Variants in NPSR1 observed in about 807,000 individuals in gnomAD.
NPSR1 encodes neuropeptide S receptor.
In NPSR1, 48 loss-of-function variants were observed where a neutral mutation model predicts 46.9. The ratio of observed to expected loss-of-function variants is 1.02; its 90% CI spans 0.81 to 1.30. The LOEUF is 1.30. Among genes scored for constraint, NPSR1 ranks in the 50% most tolerant of loss-of-function variants. The probability of loss-of-function intolerance (pLI) is 0.00; values close to 1 mark genes in which losing one functional copy is unlikely to be tolerated. For synonymous variants in NPSR1, 176 were observed against 168.1 expected (o/e 1.05, Z -0.36); for missense variants, 450 against 449.5 (o/e 1.00, Z -0.01).
chr7:34,874,730 G>A (rs1023048826), intron 8 of NPSR1, among the ~76,000 whole-genome samples: 3 of 152,114 alleles, frequency 2.0e-5, no homozygotes, highest in Non-Finnish European at 4.4e-5. Flanking sequence ...AATTTAAAGT[G>A]AGCAGAGCCA....
chr7:34,729,934 T>A (rs1784344423), intron 2 of NPSR1, among the ~76,000 whole-genome samples: 1 of 152,148 alleles, frequency 6.6e-6, no homozygotes, highest in African/African-American at 2.4e-5. Context: ...CCACCACACC[T>A]GGCTCAATGT....
chr7:34,699,180 CAT>C (rs971598812), intron 2 of NPSR1, among the ~76,000 whole-genome samples: 61 of 152,266 alleles, frequency 4.0e-4, no homozygotes, highest in African/African-American at 1.4e-3. Flanking sequence ...GTTGTTCTCA[CAT>C]AAAGATGCTG....
intron 2 of NPSR1, among the ~76,000 whole-genome samples, chr7:34,766,286 G>T (rs1331920156): frequency 2.0e-5 from 3 of 151,966 alleles, no homozygotes; most frequent in African/African-American, 7.3e-5. Context: ...GAAAACTGCT[G>T]GGCAGTTTTT....
chr7:34,782,594 A>C (rs1358510342), intron 3 of NPSR1, among the ~76,000 whole-genome samples: 1 of 152,110 alleles, frequency 6.6e-6, no homozygotes, highest in Non-Finnish European at 1.5e-5. Context: ...TGGTCTTTCC[A>C]TAGTGAACTA....
At chr7:34,736,446 C>T (rs1043181201) in intron 2 of NPSR1, among the ~76,000 whole-genome samples, 1 of 152,186 alleles carries the variant, frequency 6.6e-6, no homozygotes, top group South Asian at 2.1e-4. Context: ...CACCCTGCCT[C>T]TTTTCATGAT....
chr7:34,858,848 T>G (rs187113788), intron 8 of NPSR1, among the ~76,000 whole-genome samples: 1 of 151,822 alleles, frequency 6.6e-6, no homozygotes, highest in Non-Finnish European at 1.5e-5. Flanking sequence ...TTATGGGAGC[T>G]ACAGGATGAG....
chr7:34,674,774 C>T (rs551323458), intron 1 of NPSR1, among the ~76,000 whole-genome samples: 1 of 152,136 alleles, frequency 6.6e-6, no homozygotes, highest in East Asian at 1.9e-4. Context: ...TTTATCACTA[C>T]TGTTGTGTGG....
chr7:34,782,580 G>A (rs1035969194), intron 3 of NPSR1, among the ~76,000 whole-genome samples: 3 of 151,916 alleles, frequency 2.0e-5, no homozygotes, highest in Non-Finnish European at 4.4e-5. Flanking sequence ...TCCCTCATAG[G>A]GCATGGTCTT....
At chr7:34,691,157 C>A (rs1793230227) in intron 2 of NPSR1, among the ~76,000 whole-genome samples, 1 of 152,168 alleles carries the variant, frequency 6.6e-6, no homozygotes, top group African/African-American at 2.4e-5. Flanking sequence ...GAAATCAAGT[C>A]TTAACCAGAC....
intron 3 of NPSR1, among the ~76,000 whole-genome samples, chr7:34,811,055 G>A (rs992759620): frequency 2.5e-4 from 38 of 152,132 alleles, no homozygotes; most frequent in African/African-American, 8.2e-4. Context: ...TCTGGGGTGG[G>A]TGCCTGTGAC....
intron 2 of NPSR1, among the ~76,000 whole-genome samples, chr7:34,699,500 C>T (rs536343231): frequency 1.3e-5 from 2 of 152,196 alleles, no homozygotes; most frequent in South Asian, 4.1e-4. Flanking sequence ...AACTGTGTGG[C>T]TCAAACAACA....
At chr7:34,805,450 A>C (rs1215348290) in intron 3 of NPSR1, among the ~76,000 whole-genome samples, 1 of 133,970 alleles carries the variant, frequency 7.5e-6, no homozygotes, top group Non-Finnish European at 1.6e-5. Context: ...TGGCTGTCTT[A>C]GTTGAAAGAG....
intron 6 of NPSR1, among the ~76,000 whole-genome samples, chr7:34,837,436 T>C (rs1469731339): frequency 6.6e-6 from 1 of 152,250 alleles, no homozygotes; most frequent in Non-Finnish European, 1.5e-5. Flanking sequence ...GCAGCTCCTG[T>C]CTGCCACTGC....
At chr7:34,779,698 A>G in intron 3 of NPSR1, 1 of 565,430 alleles carries the variant, frequency 1.8e-6, no homozygotes, top group Non-Finnish European at 2.6e-6. Context: ...ATTTTTAAAA[A>G]CATATTTCAA....
At chr7:34,876,721 G>C (rs112084326) in intron 8 of NPSR1, among the ~76,000 whole-genome samples, 5 of 152,118 alleles carry the variant, frequency 3.3e-5, no homozygotes, top group Non-Finnish European at 7.4e-5. Context: ...CAGGAGGTCC[G>C]AGAAGGACCT....
At chr7:34,824,921 C>A (rs187088724) in intron 4 of NPSR1, among the ~76,000 whole-genome samples, 29 of 152,194 alleles carry the variant, frequency 1.9e-4, no homozygotes, top group Admixed American at 5.9e-4. Flanking sequence ...TTCATCCCAC[C>A]CTGCTTCTTT....
At chr7:34,815,540 C>T (rs763315444) in intron 4 of NPSR1, among the ~76,000 whole-genome samples, 21 of 152,094 alleles carry the variant, frequency 1.4e-4, no homozygotes, top group Non-Finnish European at 2.4e-4. Flanking sequence ...CAAGGCAGGC[C>T]AACACTCAAA....
chr7:34,684,373 T>C (rs1193510084), intron 1 of NPSR1, among the ~76,000 whole-genome samples, 179 bp from the exon 2 acceptor site: 1 of 152,250 alleles, frequency 6.6e-6, no homozygotes, highest in Non-Finnish European at 1.5e-5. Context: ...AAAAGGTGCA[T>C]TAATTTACTC....
At chr7:34,729,680 G>T (rs1784330357) in intron 2 of NPSR1, among the ~76,000 whole-genome samples, 1 of 152,190 alleles carries the variant, frequency 6.6e-6, no homozygotes, top group Non-Finnish European at 1.5e-5. Flanking sequence ...TAGCTTCTCT[G>T]TACACTATCA....
Sources: gnomAD v4.1 joint callset for allele counts (sites outside exome capture counted in the v4.1 genomes callset) on GRCh38, gnomAD v4.1.1 for gene constraint, MANE v1.5 for transcripts, NCBI Gene and HGNC (gene_info 2026-07-23, HGNC 2026-07-21) for gene names.